GCN1: variants seen among roughly 807,000 people sequenced by gnomAD.
GCN1 encodes GCN1 activator of EIF2AK4, also known as stalled ribosome sensor GCN1.
GCN1 carries 90 observed loss-of-function variants against 288.4 expected under a neutral mutation model. The ratio of observed to expected loss-of-function variants is 0.31; its 90% CI spans 0.26 to 0.37. The LOEUF (loss-of-function observed/expected upper bound fraction) is 0.37. GCN1 is among the 10% of genes least tolerant of loss of function. GCN1 has a pLI of 1.00. For missense variants in GCN1, 2,586 were observed against 3,419.9 expected (o/e 0.76, Z 6.08); for synonymous variants, 1,386 against 1,420.2 (o/e 0.98, Z 0.54).
At chr12:120,147,811 A>G (rs1877410791) in intron 37 of GCN1, among the ~76,000 whole-genome samples, 1 of 152,182 alleles carries the variant, frequency 6.6e-6, no homozygotes, top group Admixed American at 6.5e-5. Flanking sequence ...TTGAGAAAGA[A>G]CCACATCCAG....
chr12:120,165,036 C>CACAT (rs1491212722), intron 16 of GCN1, among the ~76,000 whole-genome samples: 2 of 95,054 alleles, frequency 2.1e-5, no homozygotes, highest in African/African-American at 6.9e-5. Flanking sequence ...CACACACACA[C>CACAT]ATATATATAT....
chr12:120,137,256 C>G lies in GCN1; in HGVS notation c.6727G>C (p.Gly2243Arg), dbSNP rs1467732294. 2 of 1,614,096 alleles carry G rather than the reference C, an allele frequency of 1.2e-6. No homozygotes were observed. The highest frequency in any genetic ancestry group is 2.2e-5 in the East Asian group (1 of 44,896). Residue 2243 changes from glycine to arginine, a missense_variant, in exon 50 of 58, where the codon GGG (glycine) becomes CGG (arginine). By Grantham distance (125) the Gly-to-Arg change is moderately radical (BLOSUM62 -2). Coordinates refer to ENST00000300648, the MANE Select transcript of GCN1 (RefSeq NM_006836.2). The surrounding 1 kb of genome is among the most constrained non-coding windows in gnomAD (Gnocchi z 5.2). ...EELHKEIRLIGNESKGEHVPG... is the reference protein window; with the variant it reads ...EELHKEIRLIRNESKGEHVPG... ...ACATGCTCGCCTTTGCTCTCGTTCC[C>G]TATGAGCCGGATTTCCTTGTGCAGC...
At chr12:120,152,509 C>A (rs1401275806) in intron 33 of GCN1, among the ~76,000 whole-genome samples, 1 of 127,510 alleles carries the variant, frequency 7.8e-6, no homozygotes, top group East Asian at 2.1e-4. Flanking sequence ...AGCTTAGAGG[C>A]TACATTAAAA....
In GCN1 at chr12:120,164,397, C is replaced by G; in HGVS notation, c.1787G>C (p.Gly596Ala). The change falls in exon 18 of 58, where the codon GGG becomes GCG. Residue 596 changes from glycine (G) to alanine (A), a missense_variant. This residue lies in a region of GCN1 where 913 missense variants were observed against 1,107.0 expected (regional missense o/e 0.82). Coordinates refer to ENST00000300648, the MANE Select transcript of GCN1 (RefSeq NM_006836.2). ...QTVRKLLSSL[G>A]GFKLAHGLLE... ...GAGTCCGTGCGCCAGCTTAAAGCCC[C>G]CAAGAGAGGACAGCAGCTTCCGAAC... 1.2e-6 allele frequency: 2 copies of G among 1,614,182 alleles called. No individual in the cohort carries two copies. Among genetic ancestry groups the G allele is most frequent in the Non-Finnish European group, 1.7e-6 (2 of 1,180,030 alleles).
chr12:120,174,606 T>G (rs1447290533), intron 12 of GCN1, among the ~76,000 whole-genome samples: 1 of 150,942 alleles, frequency 6.6e-6, no homozygotes, highest in Non-Finnish European at 1.5e-5. Context: ...CTGGCCAACG[T>G]GGTGAAACCC....
intron 45 of GCN1, among the ~76,000 whole-genome samples, chr12:120,140,590 G>GT (rs1413209450): frequency 2.6e-5 from 4 of 152,188 alleles, no homozygotes; most frequent in African/African-American, 9.7e-5. Context: ...CTCCACAGTT[G>GT]TAAGAGAGCG....
chr12:120,127,605 G>T lies in GCN1; in HGVS notation c.*244C>A. 1 of 452,114 alleles carries T rather than the reference G, an allele frequency of 2.2e-6. No homozygotes were observed. Among genetic ancestry groups the T allele is most frequent in the Non-Finnish European group, 4.1e-6 (1 of 246,478 alleles). The allele number at this position is 452,114 out of a possible 1,614,324, so 28.0% of individuals were successfully genotyped here. ...AAACTGGACAAACAGCTCCTGGGCT[G>T]CCATTTGCTGAGGCGCATGCGTGTG... On this transcript the variant is annotated 3_prime_UTR_variant, in exon 58 of 58. Coordinates refer to ENST00000300648, the MANE Select transcript of GCN1 (RefSeq NM_006836.2).
At chr12:120,189,801 A>G (rs1878945927) in intron 2 of GCN1, among the ~76,000 whole-genome samples, 1 of 151,936 alleles carries the variant, frequency 6.6e-6, no homozygotes, top group Non-Finnish European at 1.5e-5. Flanking sequence ...CAACATGGTG[A>G]AACCCCATCT....
At chr12:120,164,576 C>T (rs1878040689) in intron 17 of GCN1, 70 bp downstream of exon 17, 17 of 1,597,086 alleles carry the variant, frequency 1.1e-5, no homozygotes, top group Non-Finnish European at 1.4e-5. Context: ...CTGCCACACA[C>T]CCTTTCTCGG....
intron 1 of GCN1, among the ~76,000 whole-genome samples, chr12:120,193,937 C>CATGACA (rs1879086948): frequency 6.6e-6 from 1 of 152,210 alleles, no homozygotes; most frequent in Non-Finnish European, 1.5e-5. Flanking sequence ...TCCCCTGCCT[C>CATGACA]ATGACAATGT....
At position 120,130,657 on chromosome 12, in the gene GCN1, G is replaced by T; in HGVS notation, c.7660C>A (p.Leu2554Met). The change falls in exon 56 of 58, where the codon CTG (leucine) becomes ATG (methionine). Residue 2554 changes from leucine to methionine, a missense_variant. Transcript: ENST00000300648. The stretch of plus-strand genomic sequence containing the variant: ...TGGCCCCCACTCACCTTAACGAACA[G>T]GCTGGAAAGTTTGGCCGGCAACTGC... ...GGQLPAKLSS[L>M]FVKCLQNPSS... The T allele has an allele frequency of 6.2e-7, 1 of 1,611,974 alleles. No individual in the cohort carries two copies. Among genetic ancestry groups the T allele is most frequent in the Non-Finnish European group, 8.5e-7 (1 of 1,178,106 alleles).
chr12:120,131,873 C>T (rs936562481), intron 54 of GCN1, 53 bp downstream of exon 54: 76 of 1,148,386 alleles, frequency 6.6e-5, no homozygotes, highest in Middle Eastern at 5.7e-4. Context: ...GTCGACTCTT[C>T]GCTAGGGCTG....
chr12:120,131,725 C>T (rs1876831412), intron 54 of GCN1, among the ~76,000 whole-genome samples: 1 of 152,238 alleles, frequency 6.6e-6, no homozygotes, highest in Non-Finnish European at 1.5e-5. Context: ...CTGATCCTCC[C>T]ACCTCAGCCT....
chr12:120,177,987 C>T (rs748783771), intron 7 of GCN1, among the ~76,000 whole-genome samples: 1 of 152,162 alleles, frequency 6.6e-6, no homozygotes, highest in African/African-American at 2.4e-5. Context: ...GTCCTGCCCA[C>T]CACTCAGCTG....
rs187660159 is a variant in GCN1, at chr12:120,149,988, C to T, written c.4365G>A (p.Pro1455=). 3.7e-4 allele frequency: 605 copies of T among 1,613,984 alleles called. 1 individual carries two copies. The highest frequency in any genetic ancestry group is 2.8e-3 in the Middle Eastern group (17 of 6,058). ...GATGGGGCAGCACGTGAACCACATA[C>T]GGCTCAAAAAGTTTCCCCAGCATGG... is the stretch of plus-strand genomic sequence containing the variant. ...LCTMLGKLFE[P]YVVHVLPHLL... is the part of the protein sequence containing the mutation. Residue 1455 remains proline (P), a synonymous_variant, in exon 35 of 58, where the codon CCG becomes CCA. Coordinates refer to ENST00000300648, the MANE Select transcript of GCN1 (RefSeq NM_006836.2).
chr12:120,138,652 CA>C, intron 46 of GCN1, 42 bp downstream of exon 46: 1 of 1,586,446 alleles, frequency 6.3e-7, no homozygotes, highest in Non-Finnish European at 8.6e-7. Context: ...ACAAAGACGG[CA>C]AAAGCCAAAC....
In GCN1 at chr12:120,136,568, C is replaced by A. The variant is rs755254618; in HGVS notation, c.6942G>T (p.Leu2314=). 1 of 1,614,192 alleles carries A rather than the reference C, an allele frequency of 6.2e-7. No homozygotes were observed. The highest frequency in any genetic ancestry group is 1.1e-5 in the South Asian group (1 of 91,086). The change falls in exon 51 of 58, where the codon CTG becomes CTT. Residue 2314 remains leucine, a synonymous_variant. Transcript: ENST00000300648. Reference sequence around the variant, plus strand: ...TCACATTCCAGCTGAACCTGTCCCCCAGGATGCGGATCAGAGGGCCAGTGA... The same window carrying A: ...TCACATTCCAGCTGAACCTGTCCCCAAGGATGCGGATCAGAGGGCCAGTGA... ...VSITGPLIRI[L]GDRFSWNVKA...
At position 120,175,175 on chromosome 12, in the gene GCN1, C is replaced by T. The variant is rs1395651595; in HGVS notation, c.1080G>A (p.Met360Ile). The change falls in exon 12 of 58, where the codon ATG becomes ATA. Residue 360 changes from methionine to isoleucine, a missense_variant. Around this residue, in one of 8 missense-constraint regions of GCN1, gnomAD observed 913 missense variants for 1,107.0 expected, o/e 0.82. Coordinates refer to ENST00000300648, the MANE Select transcript of GCN1 (RefSeq NM_006836.2). ...EGKLTVVAQK[M>I]SVLSGIGSVS... ...GAAATCCTATACCTGAGAGGACGCT[C>T]ATCTTCTGGGCTACAACAGTTAGTT... 2 of 1,529,216 alleles carry T rather than the reference C, an allele frequency of 1.3e-6. No homozygotes were observed. Among genetic ancestry groups the T allele is most frequent in the Non-Finnish European group, 1.8e-6 (2 of 1,108,050 alleles). The allele number at this position is 1,529,216 out of a possible 1,614,324, so 94.7% of individuals were successfully genotyped here.
chr12:120,151,420 T>C, intron 33 of GCN1, 29 bp from the exon 34 acceptor site: 1 of 1,609,914 alleles, frequency 6.2e-7, no homozygotes, highest in Non-Finnish European at 8.5e-7. Context: ...GTCAATGCTG[T>C]GGCTCCGCTG....
Sources: allele counts gnomAD v4.1 joint callset (sites outside exome capture counted in the v4.1 genomes callset), GRCh38; gene constraint gnomAD v4.1.1; regional missense constraint gnomAD v4.1.1; non-coding constraint Gnocchi (gnomAD v3.1); transcripts MANE v1.5; gene names NCBI Gene and HGNC (gene_info 2026-07-23, HGNC 2026-07-21).